KLRK1: variants seen among roughly 807,000 people sequenced by gnomAD.
The protein encoded by KLRK1 is NKG2-D type II integral membrane protein.
KLRK1 carries 40 observed loss-of-function variants against 31.3 expected under a neutral mutation model. That is an observed-to-expected ratio of 1.28 (90% confidence interval 0.99 to 1.67). KLRK1 has a LOEUF of 1.67. Among genes scored for constraint, KLRK1 ranks in the 40% most tolerant of loss-of-function variants. KLRK1 has a pLI of 0.00. For missense variants in KLRK1, 251 were observed against 260.0 expected (o/e 0.97, Z 0.24); for synonymous variants, 77 against 77.3 (o/e 1.00, Z 0.02).
intron 1 of KLRK1, among the ~76,000 whole-genome samples, chr12:10,389,622 AT>A (rs901659270): frequency 9.9e-5 from 15 of 152,196 alleles, no homozygotes; most frequent in African/African-American, 3.6e-4. Context: ...AAATTTGACA[AT>A]TTAAATTGAA....
intron 2 of KLRK1, 30 bp from the exon 3 acceptor site, chr12:10,387,040 G>A: frequency 5.2e-6 from 8 of 1,552,220 alleles, no homozygotes; most frequent in Non-Finnish European, 7.0e-6. Context: ...GCTTATATGA[G>A]TCATGGCCTT....
rs760105000 is a variant in KLRK1, at chr12:10,378,124, A to C, written c.533+8T>G. On this transcript the variant is annotated splice_region_variant and intron_variant, in intron 7 of 7. Coordinates refer to ENST00000240618, the MANE Select transcript of KLRK1 (RefSeq NM_007360.4). ...AAAAAGAAGAGACTCATTGGGTCAG[A>C]GACTTACAGGTTGGGTGAGAGAATG... 4 of 1,612,738 alleles carry C rather than the reference A, an allele frequency of 2.5e-6. No homozygotes were observed. In the African/African-American group the frequency reaches 4.0e-5, roughly 16 times the overall value.
chr12:10,373,359 G>A, intron 7 of KLRK1, 128 bp from the exon 8 acceptor site: 1 of 649,396 alleles, frequency 1.5e-6, no homozygotes, highest in Non-Finnish European at 2.4e-6. Flanking sequence ...GACCATGCCT[G>A]GTCCTAATTC....
chr12:10,381,151 A>T (rs1863067336), intron 3 of KLRK1, among the ~76,000 whole-genome samples: 1 of 151,934 alleles, frequency 6.6e-6, no homozygotes, highest in South Asian at 2.1e-4. Flanking sequence ...GCGCCCCCCC[A>T]GATTCCCAGA....
intron 7 of KLRK1, among the ~76,000 whole-genome samples, chr12:10,376,715 C>T (rs1862973014): frequency 1.3e-5 from 2 of 151,934 alleles, no homozygotes; most frequent in South Asian, 4.2e-4. Flanking sequence ...TAAGCACACA[C>T]AAAAAAATGC....
intron 7 of KLRK1, among the ~76,000 whole-genome samples, chr12:10,375,793 C>T (rs762626835): frequency 6.2e-5 from 8 of 129,578 alleles, no homozygotes; most frequent in Non-Finnish European, 1.2e-4. Flanking sequence ...CTTGAATACT[C>T]TAGCATTAAT....
intron 2 of KLRK1, among the ~76,000 whole-genome samples, chr12:10,387,607 G>A (rs536913510): frequency 1.4e-4 from 21 of 150,832 alleles, no homozygotes; most frequent in Admixed American, 3.3e-4. Flanking sequence ...GTGCAATGGC[G>A]TGATATTGGC....
Position 10,379,481 on chromosome 12 carries a change from T to C in KLRK1, c.243A>G (p.Ser81=). The change falls in exon 5 of 8, where the codon TCA becomes TCG. Residue 81 remains serine, a splice_region_variant and synonymous_variant. Transcript: ENST00000240618. Reference sequence around the variant, plus strand: ...GAATTTGAACTTCTTGGTTGAATAATGCTATTAAAATAACCATAAGTATTA... The same window carrying C: ...GAATTTGAACTTCTTGGTTGAATAACGCTATTAAAATAACCATAAGTATTA... The part of the protein sequence containing the change: ...VTIWSAVFLN[S]LFNQEVQIPL... The C allele has an allele frequency of 1.4e-6, 2 of 1,474,706 alleles. No homozygotes were observed. The highest frequency in any genetic ancestry group is 1.9e-6 in the Non-Finnish European group (2 of 1,076,994). The allele number at this position is 1,474,706 out of a possible 1,614,324, so 91.4% of individuals were successfully genotyped here. A position where few individuals can be genotyped will look rare whatever the true frequency, so the allele number is the denominator to read the frequency against.
At position 10,376,374 on chromosome 12, in the gene KLRK1, CAAT is replaced by C. The variant is rs531761996; in HGVS notation, c.533+1755_533+1757del. 1.6e-4 allele frequency among the ~76,000 whole-genome samples: 25 copies of C among 151,928 alleles called. 1 individual carries two copies. The highest frequency in any genetic ancestry group is 6.2e-4 in the South Asian group (3 of 4,810). On this transcript the variant is annotated intron_variant, in intron 7 of 7. Coordinates refer to ENST00000240618, the MANE Select transcript of KLRK1 (RefSeq NM_007360.4). ...ATGAAAATGAAATTAAATTAGAAATCAATAATAAAAATGTCTGAAAAATTCACA... is the reference window on the plus strand; with the variant it reads ...ATGAAAATGAAATTAAATTAGAAATCAATAAAAATGTCTGAAAAATTCACA...
intron 7 of KLRK1, among the ~76,000 whole-genome samples, chr12:10,377,176 CT>C (rs1460221150): frequency 6.6e-6 from 1 of 152,198 alleles, no homozygotes; most frequent in African/African-American, 2.4e-5. Flanking sequence ...AGCAACTTCT[CT>C]GTCAGATTTT....
chr12:10,387,013 A>G lies in KLRK1; in HGVS notation c.41-3T>C. The G allele has an allele frequency of 6.2e-7, 1 of 1,606,230 alleles. No homozygotes were observed. Among genetic ancestry groups the G allele is most frequent in the Non-Finnish European group, 8.5e-7 (1 of 1,176,146 alleles). On this transcript the variant is annotated splice_region_variant and splice_polypyrimidine_tract_variant and intron_variant, in intron 2 of 7. Coordinates refer to ENST00000240618, the MANE Select transcript of KLRK1 (RefSeq NM_007360.4). ...ATAATTATGAAATTCACTCATCTCT[A>G]GAGAAAAAGAATTCAGGCTTATATG...
At chr12:10,374,308 C>T (rs796856887) in intron 7 of KLRK1, among the ~76,000 whole-genome samples, 5 of 152,038 alleles carry the variant, frequency 3.3e-5, no homozygotes, top group Non-Finnish European at 7.4e-5. Context: ...CCACTGCACC[C>T]GGCCCCAGCT....
At chr12:10,387,428 C>G (rs940478612) in intron 2 of KLRK1, among the ~76,000 whole-genome samples, 1 of 150,958 alleles carries the variant, frequency 6.6e-6, no homozygotes, top group Non-Finnish European at 1.5e-5. Flanking sequence ...TTGCAAAAGA[C>G]GAAAGAAATA....
intron 7 of KLRK1, among the ~76,000 whole-genome samples, chr12:10,374,799 T>C (rs1862932980): frequency 6.6e-6 from 1 of 152,232 alleles, no homozygotes; most frequent in Non-Finnish European, 1.5e-5. Flanking sequence ...TATTTGTTTG[T>C]AACTACATCT....
At chr12:10,384,003 A>G (rs146624876) in intron 3 of KLRK1, among the ~76,000 whole-genome samples, 12 of 152,192 alleles carry the variant, frequency 7.9e-5, no homozygotes, top group Middle Eastern at 3.4e-3. Flanking sequence ...AGTCAATTCC[A>G]TTTGTAATAC....
chr12:10,378,078 G>T, intron 7 of KLRK1, 54 bp downstream of exon 7: 1 of 1,528,084 alleles, frequency 6.5e-7, no homozygotes, highest in Non-Finnish European at 9.0e-7. Context: ...ATTATTACAG[G>T]GAAAACTTAG....
At chr12:10,379,838 T>G in intron 3 of KLRK1, 46 bp from the exon 4 acceptor site, 1 of 1,505,488 alleles carries the variant, frequency 6.6e-7, no homozygotes, top group East Asian at 2.3e-5. Flanking sequence ...GCATAAAAGG[T>G]TTGGGTATCT....
rs1395786122 is a variant in KLRK1, at chr12:10,386,896, G to A, written c.148+7C>T. 6.2e-7 allele frequency: 1 copy of A among 1,607,562 alleles called. No homozygotes were observed. Among genetic ancestry groups the A allele is most frequent in the Non-Finnish European group, 8.5e-7 (1 of 1,175,758 alleles). On this transcript the variant is annotated splice_region_variant and intron_variant, in intron 3 of 7. Coordinates refer to ENST00000240618, the MANE Select transcript of KLRK1 (RefSeq NM_007360.4). The stretch of plus-strand genomic sequence containing the variant: ...CTGAGAGTAGACAAATGGAACATAG[G>A]ACTTACCATTTTCTCTACATTTGCT...
chr12:10,380,922 A>G (rs1325918354), intron 3 of KLRK1, among the ~76,000 whole-genome samples: 2 of 152,040 alleles, frequency 1.3e-5, no homozygotes, highest in Admixed American at 1.3e-4. Context: ...TTATCTTCGC[A>G]TGTTTGGGGC....
Sources: allele counts gnomAD v4.1 joint callset (sites outside exome capture counted in the v4.1 genomes callset), GRCh38; gene constraint gnomAD v4.1.1; transcripts MANE v1.5; gene names NCBI Gene and HGNC (gene_info 2026-07-23, HGNC 2026-07-21).